KTN1: variants seen among roughly 807,000 people sequenced by gnomAD.
KTN1 encodes the protein kinectin.
A neutral mutation model predicts 222.5 loss-of-function variants in KTN1; 130 were observed. The ratio of observed to expected loss-of-function variants is 0.58; its 90% CI spans 0.51 to 0.68. KTN1 has a LOEUF of 0.68. Ranked by LOEUF, KTN1 falls within the 30% of genes least tolerant of loss-of-function variation. The pLI is 0.00. For synonymous variants in KTN1, 512 were observed against 496.3 expected (o/e 1.03, Z -0.42); for missense variants, 1,508 against 1,500.4 (o/e 1.01, Z -0.08).
chr14:55,653,586 C>T lies in KTN1; in HGVS notation c.2791C>T (p.Leu931Phe), dbSNP rs1400023821. The T allele has an allele frequency of 6.2e-7, 1 of 1,609,316 alleles. No homozygotes were observed. The highest frequency in any genetic ancestry group is 8.5e-7 in the Non-Finnish European group (1 of 1,176,498). Residue 931 changes from leucine to phenylalanine, a missense_variant, in exon 28 of 44, where the codon CTT becomes TTT. Leu to Phe is a conservative substitution (Grantham distance 22). Coordinates refer to ENST00000395314, the MANE Select transcript of KTN1 (RefSeq NM_001079521.2). Reference protein sequence around the residue: ...EASSASQFEELEIVLKEKENE... With the variant: ...EASSASQFEEFEIVLKEKENE... ...CTCTTCTGCATCACAGTTTGAAGAA[C>T]TTGAGATTGTGTAAGTATGCTTTAA... is the stretch of plus-strand genomic sequence containing the variant.
intron 40 of KTN1, chr14:55,674,824 G>C (rs1166095462): frequency 6.6e-6 from 1 of 151,864 alleles, no homozygotes; most frequent in African/African-American, 2.4e-5. Flanking sequence ...TTTAATGTTT[G>C]TTTGCTCAGA....
intron 40 of KTN1, chr14:55,674,152 A>G (rs1453487565): frequency 3.9e-5 from 6 of 152,112 alleles, no homozygotes; most frequent in Non-Finnish European, 8.8e-5. Flanking sequence ...TGTGGTTGGT[A>G]TCCTATGTTA....
At chr14:55,581,110 TGGGGACCTCGCCGGAAAACTACGCGGG>T (rs2031447841) in intron 1 of KTN1, among the ~76,000 whole-genome samples, 1 of 152,192 alleles carries the variant, frequency 6.6e-6, no homozygotes, top group African/African-American at 2.4e-5. Flanking sequence ...TTTTTGGCCT[TGGGGACCTCGCCGGAAAACTACGCGGG>T]AAGTCTAGAG....
chr14:55,662,225 C>T (rs1318026594), intron 32 of KTN1, among the ~76,000 whole-genome samples: 1 of 151,986 alleles, frequency 6.6e-6, no homozygotes, highest in Non-Finnish European at 1.5e-5. Flanking sequence ...CACCACCATA[C>T]TCAGCTAATG....
chr14:55,632,935 G>C (rs1180839665), intron 7 of KTN1, among the ~76,000 whole-genome samples: 2 of 152,164 alleles, frequency 1.3e-5, no homozygotes, highest in Admixed American at 1.3e-4. Flanking sequence ...CGGTAGGAAA[G>C]AAATCCTAAA....
chr14:55,589,860 T>C (rs1012702725), intron 1 of KTN1, among the ~76,000 whole-genome samples: 2 of 152,020 alleles, frequency 1.3e-5, no homozygotes, highest in African/African-American at 4.8e-5. Flanking sequence ...GGTTTCACCA[T>C]GTTGGCCAGG....
At chr14:55,616,437 G>A in intron 2 of KTN1, 80 bp from the exon 3 acceptor site, 1 of 1,280,200 alleles carries the variant, frequency 7.8e-7, no homozygotes, top group South Asian at 1.5e-5. Flanking sequence ...AAAACATTCT[G>A]GGAATTACTC....
intron 1 of KTN1, among the ~76,000 whole-genome samples, chr14:55,581,460 AGT>A (rs995384199): frequency 2.7e-4 from 41 of 149,598 alleles, no homozygotes; most frequent in Admixed American, 7.3e-4. Flanking sequence ...TGTGTGTGTG[AGT>A]GTGTGTGTGT....
At chr14:55,603,705 C>T (rs1422719307) in intron 1 of KTN1, among the ~76,000 whole-genome samples, 2 of 152,194 alleles carry the variant, frequency 1.3e-5, no homozygotes, top group Non-Finnish European at 2.9e-5. Flanking sequence ...AAATTTATAT[C>T]TCCAGCCTTC....
chr14:55,668,733 C>T (rs1238357703), intron 34 of KTN1: 1 of 152,052 alleles, frequency 6.6e-6, no homozygotes, highest in Non-Finnish European at 1.5e-5. Flanking sequence ...CCTGATTTAT[C>T]ATATACATTT....
intron 41 of KTN1, among the ~76,000 whole-genome samples, chr14:55,677,524 A>T (rs1331783716): frequency 6.6e-6 from 1 of 151,952 alleles, no homozygotes; most frequent in African/African-American, 2.4e-5. Flanking sequence ...AAAATAGGTA[A>T]GTATAAAGCA....
chr14:55,657,463 G>A (rs1391001072), intron 29 of KTN1, among the ~76,000 whole-genome samples: 3 of 144,994 alleles, frequency 2.1e-5, no homozygotes, highest in African/African-American at 7.7e-5. Context: ...ATAACCTTTT[G>A]TTATTATATG....
chr14:55,641,991 G>C (rs748011688), intron 18 of KTN1, among the ~76,000 whole-genome samples: 1 of 152,078 alleles, frequency 6.6e-6, no homozygotes, highest in Non-Finnish European at 1.5e-5. Flanking sequence ...ATGTGTAATA[G>C]GATGCATAAA....
At chr14:55,613,901 A>T (rs143377764) in intron 2 of KTN1, among the ~76,000 whole-genome samples, 1 of 152,202 alleles carries the variant, frequency 6.6e-6, no homozygotes, top group Admixed American at 6.5e-5. Context: ...TAGAGAAAGT[A>T]TAGAGGAAAT....
At chr14:55,607,511 A>C (rs1395321985) in intron 1 of KTN1, 2 of 152,136 alleles carry the variant, frequency 1.3e-5, no homozygotes, top group Non-Finnish European at 2.9e-5. Flanking sequence ...TATCTTTATC[A>C]GTTTCTTGAA....
At chr14:55,582,155 G>T (rs1467375239) in intron 1 of KTN1, among the ~76,000 whole-genome samples, 1 of 152,064 alleles carries the variant, frequency 6.6e-6, no homozygotes, top group Non-Finnish European at 1.5e-5. Flanking sequence ...AAATTATAAA[G>T]AATATCAAGT....
Position 55,672,924 on chromosome 14 carries a change from G to C in KTN1, c.3604-5G>C. 2 of 1,610,316 alleles carry C rather than the reference G, an allele frequency of 1.2e-6. No homozygotes were observed. On this transcript the variant is annotated splice_region_variant and splice_polypyrimidine_tract_variant and intron_variant, in intron 38 of 43. Coordinates refer to ENST00000395314, the MANE Select transcript of KTN1 (RefSeq NM_001079521.2). ...GTGTTAACTTTTCCTTTGTTGCATT[G>C]CTAGCTGAGAAGAGAACGAGAACAT...
chr14:55,668,950 C>T (rs1350587005), intron 34 of KTN1: 1 of 152,064 alleles, frequency 6.6e-6, no homozygotes, highest in African/African-American at 2.4e-5. Context: ...ATCTCTACCA[C>T]TTTTGAGTTG....
chr14:55,668,598 G>T (rs960685916), intron 34 of KTN1: 1 of 152,078 alleles, frequency 6.6e-6, no homozygotes, highest in Non-Finnish European at 1.5e-5. Flanking sequence ...TTCATGAGGA[G>T]ATTCGTAATG....
Sources: gnomAD v4.1 joint callset for allele counts (sites outside exome capture counted in the v4.1 genomes callset) on GRCh38, gnomAD v4.1.1 for gene constraint, MANE v1.5 for transcripts, NCBI Gene and HGNC (gene_info 2026-07-23, HGNC 2026-07-21) for gene names.